The following ANO6 variants were observed in gnomAD, a reference collection of about 807,000 sequenced individuals.
ANO6 encodes the protein anoctamin-6.
A neutral mutation model predicts 117.5 loss-of-function variants in ANO6; 106 were observed. That is an observed-to-expected ratio of 0.90 (90% CI 0.77 to 1.06). ANO6 has a LOEUF of 1.06. Ranked by LOEUF, ANO6 falls within the 50% of genes least tolerant of loss-of-function variation. The pLI is 0.00. For synonymous variants in ANO6, 367 were observed against 385.1 expected (o/e 0.95, Z 0.55); for missense variants, 955 against 1,121.1 (o/e 0.85, Z 2.12).
At chr12:45,338,220 AGTGTTCT>A (rs1940881299) in intron 3 of ANO6, among the ~76,000 whole-genome samples, 1 of 152,112 alleles carries the variant, frequency 6.6e-6, no homozygotes, top group East Asian at 1.9e-4. Context: ...AAAGCAACAC[AGTGTTCT>A]GGTAGGAAAG....
At chr12:45,418,726 G>A (rs564217369) in intron 17 of ANO6, among the ~76,000 whole-genome samples, 3 of 152,108 alleles carry the variant, frequency 2.0e-5, no homozygotes, top group South Asian at 2.1e-4. Context: ...TTTCCAAGGC[G>A]ACTCAGTGTG....
intron 3 of ANO6, among the ~76,000 whole-genome samples, chr12:45,344,906 ACTT>A (rs1382617433): frequency 6.6e-6 from 1 of 152,120 alleles, no homozygotes; most frequent in African/African-American, 2.4e-5. Flanking sequence ...GTGCTGAAGA[ACTT>A]CTCAGGATGA....
intron 7 of ANO6, among the ~76,000 whole-genome samples, chr12:45,353,902 C>T (rs1020379255): frequency 1.4e-5 from 2 of 142,824 alleles, no homozygotes; most frequent in African/African-American, 3.0e-5. Flanking sequence ...ACCAATAGAA[C>T]GCATTAGAAA....
At chr12:45,391,895 A>G (rs2081589) in intron 12 of ANO6, among the ~76,000 whole-genome samples, 20,636 of 152,158 alleles carry the variant, frequency 0.14, 1,889 homozygotes, top group East Asian at 0.46. Context: ...CAAGATGGCC[A>G]AATAGGAACA....
intron 1 of ANO6, among the ~76,000 whole-genome samples, chr12:45,267,262 A>G (rs766060422): frequency 9.2e-5 from 14 of 152,134 alleles, no homozygotes; most frequent in Non-Finnish European, 1.5e-4. Context: ...GTGCCCTCAC[A>G]TGGTCTTTCC....
chr12:45,310,596 A>C (rs12314213), intron 2 of ANO6, among the ~76,000 whole-genome samples: 2,291 of 152,216 alleles, frequency 0.015, 60 homozygotes, highest in African/African-American at 0.052. Context: ...TCTGTTAGTG[A>C]AAGTGAACTT....
chr12:45,353,656 T>C (rs1408493366), intron 7 of ANO6, among the ~76,000 whole-genome samples: 1 of 152,156 alleles, frequency 6.6e-6, no homozygotes, highest in Non-Finnish European at 1.5e-5. Context: ...GAAGGGAAAA[T>C]GGGCTCTTTC....
chr12:45,378,001 A>T, intron 9 of ANO6, 52 bp from the exon 10 acceptor site: 1 of 1,509,406 alleles, frequency 6.6e-7, no homozygotes, highest in Middle Eastern at 1.7e-4. Context: ...TATTTACTGA[A>T]TCCTAATAAG....
At chr12:45,300,656 T>C (rs919968619) in intron 1 of ANO6, among the ~76,000 whole-genome samples, 2 of 152,208 alleles carry the variant, frequency 1.3e-5, no homozygotes, top group African/African-American at 4.8e-5. Flanking sequence ...CATTGACTTG[T>C]TAAAGAGGCT....
intron 2 of ANO6, among the ~76,000 whole-genome samples, chr12:45,317,511 C>T (rs369393273): frequency 1.3e-5 from 2 of 151,738 alleles, no homozygotes; most frequent in African/African-American, 2.4e-5. Context: ...TTTCTTAATC[C>T]AGTCTATCAT....
chr12:45,248,828 A>G (rs1947862269), intron 1 of ANO6, among the ~76,000 whole-genome samples: 1 of 152,196 alleles, frequency 6.6e-6, no homozygotes, highest in Admixed American at 6.5e-5. Flanking sequence ...TAAATAGTAG[A>G]TGTGGGTCCT....
Position 45,348,610 on chromosome 12 carries a change from G to A in ANO6, c.726G>A (p.Lys242=). 6.2e-7 allele frequency: 1 copy of A among 1,613,830 alleles called. No individual in the cohort carries two copies. The highest frequency in any genetic ancestry group is 8.5e-7 in the Non-Finnish European group (1 of 1,179,826). ...INRLVNSGIY[K]AAFPLHDCKF... ...GACTTGTAAACTCTGGGATCTACAA[G>A]GCAGCTTTCCCACTCCATGATGTAA... The change falls in exon 6 of 20, where the codon AAG becomes AAA. Residue 242 remains lysine (K), a synonymous_variant. Coordinates refer to ENST00000320560, the MANE Select transcript of ANO6 (RefSeq NM_001025356.3).
rs549634847 is a variant in ANO6, at chr12:45,276,298, G to A, written c.71-25716G>A. Among the ~76,000 whole-genome samples the A allele has an allele frequency of 2.6e-5, 4 of 152,042 alleles. No individual in the cohort carries two copies. The South Asian group carries it at 6.2e-4, about 24-fold the overall frequency. The stretch of plus-strand genomic sequence containing the variant: ...CATTAGTCTAATGACTGGGTCTGTC[G>A]TTTCCACTCCTGCCACAGAAGTATG... On this transcript the variant is annotated intron_variant, in intron 1 of 19. Transcript: ENST00000320560.
At chr12:45,315,858 C>T (rs2137347357) in intron 2 of ANO6, among the ~76,000 whole-genome samples, 1 of 152,160 alleles carries the variant, frequency 6.6e-6, no homozygotes, top group African/African-American at 2.4e-5. Context: ...CACCCCCGTC[C>T]AGTTAATCAC....
At chr12:45,226,631 A>G (rs1947485908) in intron 1 of ANO6, among the ~76,000 whole-genome samples, 1 of 152,170 alleles carries the variant, frequency 6.6e-6, no homozygotes, top group Non-Finnish European at 1.5e-5. Context: ...ATTTCTGTAG[A>G]CATTCTATCT....
At chr12:45,237,403 A>G (rs1183992782) in intron 1 of ANO6, among the ~76,000 whole-genome samples, 1 of 152,152 alleles carries the variant, frequency 6.6e-6, no homozygotes, top group Non-Finnish European at 1.5e-5. Context: ...TTTTTGTATA[A>G]GGTGTAAGGA....
intron 18 of ANO6, among the ~76,000 whole-genome samples, 184 bp from the exon 19 acceptor site, chr12:45,422,773 C>T (rs1023110871): frequency 1.3e-5 from 2 of 152,024 alleles, no homozygotes; most frequent in African/African-American, 4.8e-5. Context: ...GGGGTTTTAC[C>T]ATAGTGGCCA....
intron 1 of ANO6, among the ~76,000 whole-genome samples, chr12:45,268,829 C>G (rs916410204): frequency 3.8e-4 from 58 of 152,320 alleles, no homozygotes; most frequent in Admixed American, 3.3e-3. Context: ...GGATCATTAA[C>G]GGGCATAGAC....
chr12:45,250,266 C>T (rs1947882289), intron 1 of ANO6, among the ~76,000 whole-genome samples: 1 of 152,212 alleles, frequency 6.6e-6, no homozygotes, highest in Non-Finnish European at 1.5e-5. Context: ...CTAATGTCTG[C>T]ATTGCTGAAA....
Sources: gnomAD v4.1 joint callset for allele counts (sites outside exome capture counted in the v4.1 genomes callset) on GRCh38, gnomAD v4.1.1 for gene constraint, MANE v1.5 for transcripts, NCBI Gene and HGNC (gene_info 2026-07-23, HGNC 2026-07-21) for gene names.